The following CALN1 variants were observed in gnomAD, a reference collection of about 807,000 sequenced individuals.
The protein encoded by CALN1 is calneuron 1.
Under a neutral mutation model 30.6 loss-of-function variants are expected in CALN1, and 17 were observed. The observed-to-expected ratio is 0.56, with a 90% confidence interval of 0.38 to 0.83. The LOEUF (loss-of-function observed/expected upper bound fraction) is 0.83. Among genes scored for constraint, CALN1 ranks in the 40% least tolerant of loss-of-function variants. The pLI is 0.00. For synonymous variants in CALN1, 156 were observed against 131.4 expected (o/e 1.19, Z -1.28); for missense variants, 291 against 354.9 (o/e 0.82, Z 1.45).
chr7:72,085,396 T>C (rs762641818), intron 4 of CALN1, among the ~76,000 whole-genome samples: 4 of 152,216 alleles, frequency 2.6e-5, no homozygotes, highest in Non-Finnish European at 5.9e-5. Context: ...ACATCCTTTT[T>C]TTACAGTATA....
chr7:72,290,392 A>G (rs1364360165), intron 2 of CALN1, among the ~76,000 whole-genome samples: 1 of 152,172 alleles, frequency 6.6e-6, no homozygotes. Flanking sequence ...GCTCTAGGGG[A>G]CCATTCTCTA....
intron 3 of CALN1, among the ~76,000 whole-genome samples, chr7:72,151,333 A>C (rs571008015): frequency 6.6e-6 from 1 of 151,884 alleles, no homozygotes; most frequent in Non-Finnish European, 1.5e-5. Context: ...CAATCTTCTA[A>C]TGTTCTTCCT....
At chr7:72,459,248 G>A in the CALN1 span, among the ~76,000 whole-genome samples, 1 of 152,080 alleles carries the variant, frequency 6.6e-6, no homozygotes, top group Non-Finnish European at 1.5e-5. Flanking sequence ...GCTCCCTGAT[G>A]TAAAATGCGC....
chr7:72,226,304 G>A (rs756946951), intron 3 of CALN1, among the ~76,000 whole-genome samples: 10 of 151,724 alleles, frequency 6.6e-5, no homozygotes, highest in Admixed American at 1.3e-4. Flanking sequence ...TCATGCCACC[G>A]AGATGCTTCT....
At chr7:72,466,672 G>A in the CALN1 span, among the ~76,000 whole-genome samples, 6 of 152,008 alleles carry the variant, frequency 3.9e-5, no homozygotes, top group East Asian at 9.7e-4. Flanking sequence ...GAATCCAGGA[G>A]GCGGAGTTTG....
chr7:71,857,054 G>GTA (rs886933518), intron 5 of CALN1, among the ~76,000 whole-genome samples: 4 of 146,836 alleles, frequency 2.7e-5, no homozygotes, highest in Admixed American at 2.0e-4. Flanking sequence ...GTGTGTGTGT[G>GTA]TGTGTTGCAA....
intron 5 of CALN1, among the ~76,000 whole-genome samples, chr7:71,885,831 C>A (rs1309322424): frequency 6.6e-6 from 1 of 152,204 alleles, no homozygotes; most frequent in Non-Finnish European, 1.5e-5. Flanking sequence ...TATTTTCATC[C>A]TTTCCCCTCT....
At chr7:72,269,535 C>A (rs1371315132) in intron 3 of CALN1, among the ~76,000 whole-genome samples, 1 of 152,148 alleles carries the variant, frequency 6.6e-6, no homozygotes, top group Non-Finnish European at 1.5e-5. Flanking sequence ...ATAACTGAAG[C>A]AGCAGATAGT....
rs568487508 is a variant in CALN1, at chr7:72,083,593, T to A, written c.388+22558A>T. ...AGCAAGACCTCATCTATAAAAAAAATAAAAATAAAAATAAATGAAAATGCA... is the reference window on the plus strand; with the variant it reads ...AGCAAGACCTCATCTATAAAAAAAAAAAAAATAAAAATAAATGAAAATGCA... On this transcript the variant is annotated intron_variant, in intron 4 of 6. Coordinates refer to ENST00000395275, the MANE Select transcript of CALN1 (RefSeq NM_031468.4). 5.3e-5 allele frequency among the ~76,000 whole-genome samples: 8 copies of A among 151,608 alleles called. No individual in the cohort carries two copies. In the East Asian group the frequency reaches 5.8e-4, roughly 11 times the overall value.
intron 5 of CALN1, among the ~76,000 whole-genome samples, chr7:71,816,265 G>T (rs73360083): frequency 2.6e-4 from 39 of 152,218 alleles, no homozygotes; most frequent in African/African-American, 9.4e-4. Flanking sequence ...TGAAGGGGAG[G>T]TGTAAAACAA....
intron 3 of CALN1, among the ~76,000 whole-genome samples, chr7:72,123,178 G>A (rs895336447): frequency 2.0e-5 from 3 of 152,194 alleles, no homozygotes; most frequent in Non-Finnish European, 4.4e-5. Context: ...TCATTTTGTA[G>A]TGTCTTAAAC....
chr7:72,099,670 G>A (rs1039850474), intron 4 of CALN1, among the ~76,000 whole-genome samples: 23 of 152,138 alleles, frequency 1.5e-4, no homozygotes, highest in African/African-American at 4.6e-4. Context: ...ATAAATTTTT[G>A]TGGCAGCAAT....
At chr7:72,164,348 T>C (rs1001027149) in intron 3 of CALN1, among the ~76,000 whole-genome samples, 7 of 50,520 alleles carry the variant, frequency 1.4e-4, no homozygotes, top group Non-Finnish European at 2.3e-4. Context: ...CAACACTCCG[T>C]CAAAAAAAAA....
chr7:72,355,131 C>T (rs1349681226), intron 2 of CALN1, among the ~76,000 whole-genome samples: 5 of 152,118 alleles, frequency 3.3e-5, no homozygotes, highest in Non-Finnish European at 5.9e-5. Flanking sequence ...TGGTCTCAAA[C>T]TCCCATGCTC....
rs145484031 is a variant in CALN1 at position 72,309,815 on chromosome 7, C to T, written c.120-31005G>A. 6.1e-3 allele frequency among the ~76,000 whole-genome samples: 930 copies of T among 152,324 alleles called. 4 individuals are homozygous for T. The highest frequency in any genetic ancestry group is 9.7e-3 in the Non-Finnish European group (660 of 68,020). ...GTCATCTCTCTACTCTCTCCTGAAA[C>T]GACCTTCCTTCATCACCAGGTCCAG... is the stretch of plus-strand genomic sequence containing the variant. On this transcript the variant is annotated intron_variant, in intron 2 of 6. Transcript: ENST00000395275.
chr7:71,920,251 A>G (rs575504509), intron 5 of CALN1, among the ~76,000 whole-genome samples: 15 of 152,044 alleles, frequency 9.9e-5, no homozygotes, highest in Non-Finnish European at 2.1e-4. Flanking sequence ...ATGAAGGCAC[A>G]GGCTTCAAGG....
chr7:72,309,102 G>T (rs1227630410), intron 2 of CALN1, among the ~76,000 whole-genome samples: 1 of 152,134 alleles, frequency 6.6e-6, no homozygotes, highest in Non-Finnish European at 1.5e-5. Context: ...AGGCAGTTTA[G>T]CTCCAGAGGC....
At chr7:72,013,834 TA>T (rs1463095680) in intron 5 of CALN1, among the ~76,000 whole-genome samples, 1 of 151,996 alleles carries the variant, frequency 6.6e-6, no homozygotes, top group Non-Finnish European at 1.5e-5. Context: ...AATTATATAA[TA>T]TTTTATCTTT....
intron 3 of CALN1, among the ~76,000 whole-genome samples, chr7:72,198,614 CCAGCAATT>C (rs754901305): frequency 1.3e-5 from 2 of 152,100 alleles, no homozygotes; most frequent in Non-Finnish European, 1.5e-5. Flanking sequence ...TAACCCACTC[CCAGCAATT>C]CTACCTTCTA....
Sources: allele counts gnomAD v4.1 joint callset (sites outside exome capture counted in the v4.1 genomes callset), GRCh38; gene constraint gnomAD v4.1.1; transcripts MANE v1.5; gene names NCBI Gene and HGNC (gene_info 2026-07-23, HGNC 2026-07-21).